Variants in GRIN1 observed in about 807,000 individuals in gnomAD.
GRIN1 encodes the protein glutamate receptor ionotropic, NMDA 1.
Under a neutral mutation model 103.0 loss-of-function variants are expected in GRIN1, and 38 were observed. That is an observed-to-expected ratio of 0.37 (90% confidence interval 0.28 to 0.48). The LOEUF is 0.48. Among genes scored for constraint, GRIN1 ranks in the 20% least tolerant of loss-of-function variants. The pLI is 0.98. For synonymous variants in GRIN1, 544 were observed against 532.7 expected, an observed-to-expected ratio of 1.02 and a Z score of -0.29; for missense variants, 577 against 1,288.9, an observed-to-expected ratio of 0.45 and a Z score of 8.46.
intron 8 of GRIN1, among the ~76,000 whole-genome samples, 173 bp from the exon 9 acceptor site, chr9:137,160,883 G>C (rs1224767219): frequency 6.6e-6 from 1 of 152,230 alleles, no homozygotes; most frequent in Admixed American, 6.5e-5. Context: ...TGAACACTTG[G>C]GCTCGTGAAG....
At chr9:137,141,144 G>A (rs900393707) in intron 1 of GRIN1, among the ~76,000 whole-genome samples, 11 of 152,198 alleles carry the variant, frequency 7.2e-5, no homozygotes, top group African/African-American at 2.2e-4. Context: ...TACCACTCAC[G>A]GAACACACCC....
chr9:137,153,433 G>A (rs762538841), intron 4 of GRIN1, among the ~76,000 whole-genome samples: 4 of 137,858 alleles, frequency 2.9e-5, no homozygotes, highest in Non-Finnish European at 4.7e-5. Context: ...ATGTATGTAC[G>A]CACCATAGTC....
Position 137,146,804 on chromosome 9 carries a change from C to T in GRIN1, c.570+902C>T, listed in dbSNP as rs911859284. Among the ~76,000 whole-genome samples the T allele has an allele frequency of 6.6e-6, 1 of 152,132 alleles. No homozygotes were observed. The highest frequency in any genetic ancestry group is 1.5e-5 in the Non-Finnish European group (1 of 68,010). On this transcript the variant is annotated intron_variant, in intron 3 of 19. Coordinates refer to ENST00000371561, the MANE Select transcript of GRIN1 (RefSeq NM_007327.4). The surrounding 1 kb of genome is among the most constrained non-coding windows in gnomAD (Gnocchi z 6.7). ...GGAGCATGTTTCGTGTCAGAGCTGG[C>T]TTCATCGGACTTAGGGCCAACCTAG... is the stretch of plus-strand genomic sequence containing the variant.
At chr9:137,164,793 G>C (rs896023923) in intron 18 of GRIN1, 2 of 287,146 alleles carry the variant, frequency 7.0e-6, no homozygotes, top group East Asian at 1.9e-4. Context: ...CTGAATCTTG[G>C]TGTGTGCCCC....
At chr9:137,160,957 T>G in intron 8 of GRIN1, 99 bp from the exon 9 acceptor site, 7 of 1,463,330 alleles carry the variant, frequency 4.8e-6, no homozygotes, top group Non-Finnish European at 6.6e-6. Context: ...GCGTCGGGGA[T>G]TAAGAGGGGC....
Position 137,146,266 on chromosome 9 carries a change from C to G in GRIN1, c.570+364C>G, listed in dbSNP as rs2131219403. On this transcript the variant is annotated intron_variant, in intron 3 of 19. Transcript: ENST00000371561. This position sits in a 1 kb window ranked among gnomAD's most constrained non-coding sequence, Gnocchi z 6.7. ...TTCCCGCCCACCCTGTCCTGAGTCC[C>G]CAGCAGCCTCCCTCTGGGCAAGGTC... 6.6e-6 allele frequency among the ~76,000 whole-genome samples: 1 copy of G among 152,098 alleles called. No individual in the cohort carries two copies. Among genetic ancestry groups the G allele is most frequent in the South Asian group, 2.1e-4 (1 of 4,818 alleles).
chr9:137,145,631 C>T, intron 2 of GRIN1, 95 bp from the exon 3 acceptor site: 1 of 1,042,256 alleles, frequency 9.6e-7, no homozygotes, highest in South Asian at 1.4e-5. Flanking sequence ...GAGGGGGGTT[C>T]CCAGCCTCCG....
In GRIN1 at chr9:137,165,140, T is replaced by C. The variant is rs1256651752; in HGVS notation, c.2590-46T>C. 6 of 1,361,560 alleles carry C rather than the reference T, an allele frequency of 4.4e-6. No individual in the cohort carries two copies. The Admixed American group carries it at 1.0e-4, about 23-fold the overall frequency. The allele number at this position is 1,361,560 out of a possible 1,614,324, so 84.3% of individuals were successfully genotyped here. A position where few individuals can be genotyped will look rare whatever the true frequency, so the allele number is the denominator to read the frequency against. On this transcript the variant is annotated intron_variant, in intron 18 of 19. Transcript: ENST00000371561. Reference sequence around the variant, plus strand: ...ATGCAGGAGCAGGCGAGGGCAGGTGTGGCCACCACCCTAGCCATCTAATCA... The same window carrying C: ...ATGCAGGAGCAGGCGAGGGCAGGTGCGGCCACCACCCTAGCCATCTAATCA...
At chr9:137,166,483 C>T (rs1248388481) in intron 19 of GRIN1, among the ~76,000 whole-genome samples, 1 of 152,252 alleles carries the variant, frequency 6.6e-6, no homozygotes, top group Non-Finnish European at 1.5e-5. Flanking sequence ...AAGCTTACGC[C>T]CGGGGGAGGA....
intron 3 of GRIN1, 92 bp from the exon 4 acceptor site, chr9:137,148,916 TC>T: frequency 1.1e-6 from 1 of 908,868 alleles, no homozygotes; most frequent in Admixed American, 2.0e-5. Flanking sequence ...CTAAGCTGCC[TC>T]GGGGTTCCCA....
intron 4 of GRIN1, among the ~76,000 whole-genome samples, chr9:137,149,690 C>A (rs1588701942): frequency 6.6e-6 from 1 of 152,316 alleles, no homozygotes; most frequent in South Asian, 2.1e-4. Flanking sequence ...TGGCTAGGTT[C>A]TCCCGGGAAG....
intron 18 of GRIN1, 199 bp from the exon 19 acceptor site, chr9:137,164,987 G>A (rs1833788958): frequency 1.7e-6 from 1 of 595,590 alleles, no homozygotes; most frequent in South Asian, 1.8e-5. Context: ...GCACGAGCAA[G>A]GTCAGGCCCG....
chr9:137,150,720 A>C (rs2084442565), intron 4 of GRIN1, among the ~76,000 whole-genome samples: 1 of 144,834 alleles, frequency 6.9e-6, no homozygotes, highest in African/African-American at 2.6e-5. Context: ...AGCTCTGCCC[A>C]GATAAAAGCC....
At chr9:137,166,947 G>A (rs1833911652) in intron 19 of GRIN1, among the ~76,000 whole-genome samples, 1 of 152,208 alleles carries the variant, frequency 6.6e-6, no homozygotes, top group Non-Finnish European at 1.5e-5. Flanking sequence ...GCAGGTGATG[G>A]GCCACTTTCA....
chr9:137,162,439 A>G lies in GRIN1; in HGVS notation c.1787A>G (p.Glu596Gly). The G allele has an allele frequency of 6.2e-7, 1 of 1,609,674 alleles. No homozygotes were observed. ...FGRFKVNSEE[E>G]EEDALTLSSA... ...CGGTTCAAGGTGAACAGCGAGGAGG[A>G]GGAGGAGGACGCACTGACCCTGTCC... The change falls in exon 13 of 20, where the codon GAG becomes GGG. Residue 596 changes from glutamate (E) to glycine (G), a missense_variant. Physicochemically the swap from Glu to Gly is moderately conservative, Grantham distance 98. This residue lies in a region of GRIN1 where 15 missense variants were observed against 26.4 expected (regional missense o/e 0.57). Transcript: ENST00000371561.
At chr9:137,160,987 TGAG>T (rs1156832926) in intron 8 of GRIN1, 66 bp from the exon 9 acceptor site, 1 of 1,603,264 alleles carries the variant, frequency 6.2e-7, no homozygotes, top group Non-Finnish European at 8.5e-7. Flanking sequence ...GGCTGGGAGC[TGAG>T]AAGAGACTGC....
At chr9:137,147,466 A>G (rs991280222) in intron 3 of GRIN1, among the ~76,000 whole-genome samples, 4 of 151,754 alleles carry the variant, frequency 2.6e-5, no homozygotes, top group African/African-American at 9.7e-5. Context: ...ACACACATGC[A>G]CACACGCACA....
Position 137,162,857 on chromosome 9 carries a change from C to G in GRIN1, c.2025C>G (p.Pro675=). The change falls in exon 15 of 20, where the codon CCC becomes CCG. Residue 675 remains proline (P), a synonymous_variant. Transcript: ENST00000371561. The part of the protein sequence containing the change: ...TGINDPRLRN[P]SDKFIYATVK... ...CTCCGACCCTGCAGCTGAGGAACCC[C>G]TCGGACAAGTTTATCTACGCCACGG... 1 of 1,612,254 alleles carries G rather than the reference C, an allele frequency of 6.2e-7. No homozygotes were observed. The highest frequency in any genetic ancestry group is 1.6e-4 in the Middle Eastern group (1 of 6,062).
At chr9:137,163,504 C>T (rs1034686342) in intron 16 of GRIN1, 55 bp from the exon 17 acceptor site, 1 of 1,065,536 alleles carries the variant, frequency 9.4e-7, no homozygotes, top group Non-Finnish European at 1.5e-6. Flanking sequence ...CCCCAGCTTG[C>T]TCCTTCCCGT....
Sources: allele counts gnomAD v4.1 joint callset (sites outside exome capture counted in the v4.1 genomes callset), GRCh38; gene constraint gnomAD v4.1.1; regional missense constraint gnomAD v4.1.1; non-coding constraint Gnocchi (gnomAD v3.1); transcripts MANE v1.5; gene names NCBI Gene and HGNC (gene_info 2026-07-23, HGNC 2026-07-21).